Variants in RBFOX1 observed in about 807,000 individuals in gnomAD.
RBFOX1 encodes RNA binding fox-1 homolog 1.
In RBFOX1, 8 loss-of-function variants were observed where a neutral mutation model predicts 57.7. The observed-to-expected ratio is 0.14, with a 90% CI of 0.08 to 0.25. The LOEUF (loss-of-function observed/expected upper bound fraction) is 0.25. RBFOX1 is among the 10% of genes least tolerant of loss of function. RBFOX1 has a pLI of 1.00. For missense variants in RBFOX1, 611 were observed against 548.5 expected, an observed-to-expected ratio of 1.11 and a Z score of -1.14; for synonymous variants, 326 against 222.4, an observed-to-expected ratio of 1.47 and a Z score of -4.15.
chr16:6,999,576 A>G (rs1236754821), intron 3 of RBFOX1, among the ~76,000 whole-genome samples: 5 of 152,146 alleles, frequency 3.3e-5, no homozygotes, highest in East Asian at 1.9e-4. Flanking sequence ...CTGATCCCTC[A>G]TATGCTTTAC....
intron 4 of RBFOX1, among the ~76,000 whole-genome samples, chr16:7,327,112 C>A (rs1281689600): frequency 2.0e-5 from 3 of 152,172 alleles, no homozygotes; most frequent in Non-Finnish European, 4.4e-5. Context: ...GGTGATGGTG[C>A]ACTTAGTTCT....
chr16:6,896,473 C>T (rs1463315876), intron 3 of RBFOX1, among the ~76,000 whole-genome samples: 3 of 152,018 alleles, frequency 2.0e-5, no homozygotes, highest in Non-Finnish European at 2.9e-5. Flanking sequence ...TACATGAGTT[C>T]AATTGTTTTG....
intron 4 of RBFOX1, among the ~76,000 whole-genome samples, chr16:7,160,967 C>T (rs918525575): frequency 6.6e-6 from 1 of 152,160 alleles, no homozygotes; most frequent in Non-Finnish European, 1.5e-5. Flanking sequence ...GACAAACCTT[C>T]AATGGTTAGG....
chr16:5,446,639 CA>C (rs2151553163), intron 1 of RBFOX1, among the ~76,000 whole-genome samples: 2 of 152,194 alleles, frequency 1.3e-5, no homozygotes, highest in Non-Finnish European at 2.9e-5. Flanking sequence ...ATTTCTCTGG[CA>C]GGTAGATGGG....
intron 2 of RBFOX1, among the ~76,000 whole-genome samples, chr16:6,585,537 G>A (rs947016090): frequency 6.6e-6 from 1 of 152,120 alleles, no homozygotes; most frequent in Non-Finnish European, 1.5e-5. Context: ...CAAGGTCCTT[G>A]CCTCTGTGAC....
intron 4 of RBFOX1, among the ~76,000 whole-genome samples, chr16:6,001,230 C>T (rs1215298190): frequency 2.0e-5 from 3 of 152,182 alleles, no homozygotes; most frequent in African/African-American, 4.8e-5. Flanking sequence ...TGGAGCTCTC[C>T]AGTGGCTGAG....
chr16:7,345,478 A>T (rs1355449084), intron 4 of RBFOX1, among the ~76,000 whole-genome samples: 1 of 152,124 alleles, frequency 6.6e-6, no homozygotes, highest in Non-Finnish European at 1.5e-5. Context: ...TTTGTTTCAC[A>T]CCTGGTGTTT....
chr16:7,383,580 T>C (rs963009829), intron 4 of RBFOX1, among the ~76,000 whole-genome samples: 10 of 152,148 alleles, frequency 6.6e-5, no homozygotes, highest in Admixed American at 1.3e-4. Flanking sequence ...TTATTATCCA[T>C]TTCCCATTCT....
chr16:7,632,751 G>A (rs965503564), intron 11 of RBFOX1, among the ~76,000 whole-genome samples: 1 of 152,188 alleles, frequency 6.6e-6, no homozygotes, highest in African/African-American at 2.4e-5. Context: ...ATGCTATCCA[G>A]CATAGTGCTG....
chr16:6,012,260 G>A (rs2094965792), intron 4 of RBFOX1, among the ~76,000 whole-genome samples: 1 of 152,210 alleles, frequency 6.6e-6, no homozygotes, highest in South Asian at 2.1e-4. Flanking sequence ...AGGACTCAAT[G>A]AGAATCTGAA....
At chr16:6,682,031 G>A (rs963605369) in intron 3 of RBFOX1, among the ~76,000 whole-genome samples, 1 of 152,164 alleles carries the variant, frequency 6.6e-6, no homozygotes, top group Non-Finnish European at 1.5e-5. Flanking sequence ...ACTCCTGACT[G>A]AGAACTCTTT....
At chr16:5,302,941 G>T (rs1179565688) in intron 1 of RBFOX1, among the ~76,000 whole-genome samples, 3 of 152,162 alleles carry the variant, frequency 2.0e-5, no homozygotes, top group Non-Finnish European at 4.4e-5. Context: ...TGTAATTATG[G>T]ATATGGTCAG....
chr16:5,908,995 C>G (rs1378863399), intron 4 of RBFOX1, among the ~76,000 whole-genome samples: 1 of 151,996 alleles, frequency 6.6e-6, no homozygotes, highest in Non-Finnish European at 1.5e-5. Flanking sequence ...TCTTGGGCTT[C>G]CATCCTCCAG....
intron 3 of RBFOX1, among the ~76,000 whole-genome samples, chr16:6,876,803 A>G (rs56126977): frequency 0.082 from 12,552 of 152,170 alleles, 1,727 homozygotes; most frequent in African/African-American, 0.28. Context: ...AAATAACTGT[A>G]TCTGCTAAAA....
At chr16:6,980,187 G>A (rs1278942380) in intron 3 of RBFOX1, among the ~76,000 whole-genome samples, 1 of 152,086 alleles carries the variant, frequency 6.6e-6, no homozygotes, top group East Asian at 1.9e-4. Flanking sequence ...TCTATTATTT[G>A]CATCCAAAAG....
chr16:5,811,206 G>C (rs1198947757), intron 3 of RBFOX1, among the ~76,000 whole-genome samples: 1 of 140,202 alleles, frequency 7.1e-6, no homozygotes, highest in Non-Finnish European at 1.5e-5. Flanking sequence ...GCAATGGTGC[G>C]ATCTCGGCTC....
At chr16:6,832,138 C>G (rs1019351397) in intron 3 of RBFOX1, among the ~76,000 whole-genome samples, 1 of 152,152 alleles carries the variant, frequency 6.6e-6, no homozygotes, top group Admixed American at 6.5e-5. Flanking sequence ...TATTTCAAAG[C>G]CTGCGATTCA....
chr16:5,264,333 C>G (rs557845169), intron 1 of RBFOX1, among the ~76,000 whole-genome samples: 1 of 152,248 alleles, frequency 6.6e-6, no homozygotes, highest in Admixed American at 6.5e-5. Context: ...ATGGTGAGAA[C>G]GTGGTCACCC....
intron 3 of RBFOX1, among the ~76,000 whole-genome samples, chr16:6,926,935 G>T (rs575099822): frequency 6.6e-6 from 1 of 152,248 alleles, no homozygotes; most frequent in South Asian, 2.1e-4. Flanking sequence ...TGTCACTGCT[G>T]GAATGCAGTT....
Sources: gnomAD v4.1 joint callset for allele counts (sites outside exome capture counted in the v4.1 genomes callset) on GRCh38, gnomAD v4.1.1 for gene constraint, MANE v1.5 for transcripts, NCBI Gene and HGNC (gene_info 2026-07-23, HGNC 2026-07-21) for gene names.